Variants in RAD51B observed in about 807,000 individuals in gnomAD.
The protein encoded by RAD51B is DNA repair protein RAD51 homolog 2.
Under a neutral mutation model 42.2 loss-of-function variants are expected in RAD51B, and 38 were observed. That is an observed-to-expected ratio of 0.90 (90% confidence interval 0.70 to 1.18). The LOEUF is 1.18. Ranked by LOEUF, RAD51B falls within the 50% of genes most tolerant of loss-of-function variation. The pLI is 0.00. For missense variants in RAD51B, 373 were observed against 400.7 expected, an observed-to-expected ratio of 0.93 and a Z score of 0.59; for synonymous variants, 154 against 145.2, an observed-to-expected ratio of 1.06 and a Z score of -0.43.
Position 68,070,055 on chromosome 14 carries a change from T to C in RAD51B, c.756+182851T>C, listed in dbSNP as rs148254934. Among the ~76,000 whole-genome samples the C allele has an allele frequency of 3.0e-3, 451 of 152,308 alleles. 2 individuals carry two copies. Among genetic ancestry groups the C allele is most frequent in the African/African-American group, 0.01 (433 of 41,580 alleles). ...TGGTTAGTGTTATTGAGCATTTTTT[T>C]CATGTGCTTGTTGGCCATGTGTATG... On this transcript the variant is annotated intron_variant, in intron 7 of 10. Transcript: ENST00000471583.
intron 7 of RAD51B, among the ~76,000 whole-genome samples, chr14:68,068,782 T>C (rs1047545045): frequency 3.3e-5 from 5 of 152,154 alleles, no homozygotes; most frequent in African/African-American, 9.7e-5. Context: ...ATACTTATTA[T>C]TGTATATCTT....
chr14:68,303,135 G>A (rs1341487308), intron 8 of RAD51B, among the ~76,000 whole-genome samples: 3 of 152,150 alleles, frequency 2.0e-5, no homozygotes, highest in Non-Finnish European at 4.4e-5. Flanking sequence ...GGAATACCAT[G>A]CAGCCATAAA....
chr14:68,359,583 A>G (rs1432281108), intron 8 of RAD51B, among the ~76,000 whole-genome samples: 1 of 152,186 alleles, frequency 6.6e-6, no homozygotes, highest in African/African-American at 2.4e-5. Flanking sequence ...ATCAGCAGCC[A>G]TTAAGCAGGG....
At chr14:68,659,540 G>A (rs750250107) in intron 11 of RAD51B, among the ~76,000 whole-genome samples, 14 of 152,234 alleles carry the variant, frequency 9.2e-5, no homozygotes, top group Non-Finnish European at 1.3e-4. Context: ...GGCCTGCAGA[G>A]GGCAGGAAAC....
chr14:67,901,284 C>A lies in RAD51B; in HGVS notation c.756+14080C>A, dbSNP rs536403014. ...CACAATGCGAATGTCATGTTAATGG[C>A]ATTATAATGAGTTGGGCCAAGTTAA... is the stretch of plus-strand genomic sequence containing the variant. On this transcript the variant is annotated intron_variant, in intron 7 of 10. Coordinates refer to ENST00000471583, the MANE Select transcript of RAD51B (RefSeq NM_133510.4). Among the ~76,000 whole-genome samples, 9 of 152,282 alleles carry A rather than the reference C, an allele frequency of 5.9e-5. No individual in the cohort carries two copies. The South Asian group carries it at 1.9e-3, about 32-fold the overall frequency.
At chr14:68,432,056 C>A (rs898377381) in intron 9 of RAD51B, among the ~76,000 whole-genome samples, 1 of 152,094 alleles carries the variant, frequency 6.6e-6, no homozygotes, top group Non-Finnish European at 1.5e-5. Context: ...TGTAGTTGAG[C>A]GGTTTTGAGT....
intron 7 of RAD51B, among the ~76,000 whole-genome samples, chr14:67,901,788 T>C (rs1334156692): frequency 6.6e-6 from 1 of 152,170 alleles, no homozygotes; most frequent in Non-Finnish European, 1.5e-5. Context: ...CTGGAGGCCA[T>C]TATCTTATGT....
chr14:67,976,834 TC>T (rs1359821984), intron 7 of RAD51B, among the ~76,000 whole-genome samples: 2 of 152,028 alleles, frequency 1.3e-5, no homozygotes, highest in Non-Finnish European at 2.9e-5. Context: ...AGGGCTAATA[TC>T]CAGAATCTAC....
intron 11 of RAD51B, among the ~76,000 whole-genome samples, chr14:68,672,888 C>T (rs1177911356): frequency 6.6e-6 from 1 of 152,164 alleles, no homozygotes; most frequent in Non-Finnish European, 1.5e-5. Context: ...CCTGATTAGT[C>T]TGCAATACAT....
chr14:67,864,895 A>G, intron 4 of RAD51B, 108 bp from the exon 5 acceptor site: 1 of 1,409,512 alleles, frequency 7.1e-7, no homozygotes, highest in Non-Finnish European at 9.5e-7. Flanking sequence ...GGTTAGTTGG[A>G]CTGCATATAT....
At chr14:68,457,257 TTC>T (rs2085719910) in intron 9 of RAD51B, among the ~76,000 whole-genome samples, 1 of 151,782 alleles carries the variant, frequency 6.6e-6, no homozygotes, top group African/African-American at 2.4e-5. Context: ...AATTTGGAAA[TTC>T]TCAGTTCTGT....
intron 10 of RAD51B, among the ~76,000 whole-genome samples, chr14:68,616,767 T>TTTTTG (rs779400201): frequency 1.1e-4 from 17 of 152,244 alleles, no homozygotes; most frequent in East Asian, 1.9e-4. Context: ...ATTTCTGGGT[T>TTTTTG]TTTTGTTTTG....
chr14:68,081,391 G>A (rs1043309246), intron 7 of RAD51B, among the ~76,000 whole-genome samples: 5 of 152,120 alleles, frequency 3.3e-5, no homozygotes, highest in African/African-American at 1.2e-4. Context: ...TCCTCCAGCT[G>A]TGGCACAGGA....
intron 10 of RAD51B, among the ~76,000 whole-genome samples, chr14:68,568,123 C>A (rs1889513316): frequency 6.6e-6 from 1 of 152,064 alleles, no homozygotes; most frequent in African/African-American, 2.4e-5. Flanking sequence ...ACCAATGATA[C>A]AAAAAATGAA....
chr14:68,103,308 G>C (rs1160445156), intron 7 of RAD51B, among the ~76,000 whole-genome samples: 1 of 152,142 alleles, frequency 6.6e-6, no homozygotes, highest in Non-Finnish European at 1.5e-5. Flanking sequence ...AACCTCAGGA[G>C]TTATCATAAT....
intron 7 of RAD51B, chr14:68,236,609 A>G (rs970732660): frequency 6.6e-6 from 1 of 152,210 alleles, no homozygotes; most frequent in African/African-American, 2.4e-5. Flanking sequence ...AGGGTTTTAC[A>G]ACCATGTTTG....
chr14:68,292,358 C>T (rs1164805383), intron 8 of RAD51B, among the ~76,000 whole-genome samples: 3 of 152,142 alleles, frequency 2.0e-5, no homozygotes, highest in South Asian at 2.1e-4. Context: ...GACTAAAAAG[C>T]GTACATCAGT....
At chr14:68,056,333 G>T (rs1377120931) in intron 7 of RAD51B, among the ~76,000 whole-genome samples, 1 of 151,986 alleles carries the variant, frequency 6.6e-6, no homozygotes, top group Non-Finnish European at 1.5e-5. Context: ...ATTTTTAGTA[G>T]AGATGGGTTT....
rs1489920248 is a variant in RAD51B at position 68,185,839 on chromosome 14, C to T, written c.757-106045C>T. On this transcript the variant is annotated intron_variant, in intron 7 of 10. Coordinates refer to ENST00000471583, the MANE Select transcript of RAD51B (RefSeq NM_133510.4). ...CTGATCTGACAGGAGGTGAAGTTCA[C>T]CTCCTGTTGTGTGGCCCAGTTCCTA... Among the ~76,000 whole-genome samples, 5 of 152,166 alleles carry T rather than the reference C, an allele frequency of 3.3e-5. No homozygotes were observed. The East Asian group carries it at 5.8e-4, about 18-fold the overall frequency.
Sources: gnomAD v4.1 joint callset for allele counts (sites outside exome capture counted in the v4.1 genomes callset) on GRCh38, gnomAD v4.1.1 for gene constraint, MANE v1.5 for transcripts, NCBI Gene and HGNC (gene_info 2026-07-23, HGNC 2026-07-21) for gene names.